The following KITLG variants were observed in gnomAD, a reference collection of about 807,000 sequenced individuals.
KITLG encodes the protein c-Kit ligand.
Under a neutral mutation model 34.1 loss-of-function variants are expected in KITLG, and 13 were observed. That is an observed-to-expected ratio of 0.38 (90% CI 0.25 to 0.61). The LOEUF is 0.61. KITLG is among the 20% of genes least tolerant of loss of function. The probability of loss-of-function intolerance (pLI) is 0.60; values close to 1 mark genes in which losing one functional copy is unlikely to be tolerated. For synonymous variants in KITLG, 110 were observed against 104.0 expected (o/e 1.06, Z -0.35); for missense variants, 292 against 318.9 (o/e 0.92, Z 0.64).
chr12:88,529,483 G>C (rs1592848341), intron 3 of KITLG, among the ~76,000 whole-genome samples: 1 of 152,262 alleles, frequency 6.6e-6, no homozygotes, highest in Non-Finnish European at 1.5e-5. Context: ...AATCTGCTAG[G>C]TAATTTTCTA....
intron 6 of KITLG, among the ~76,000 whole-genome samples, chr12:88,513,262 C>A (rs934961373): frequency 6.6e-6 from 1 of 150,970 alleles, no homozygotes; most frequent in Non-Finnish European, 1.5e-5. Flanking sequence ...TCCAAAATAA[C>A]CACAAAATAA....
intron 3 of KITLG, among the ~76,000 whole-genome samples, chr12:88,531,983 T>C (rs1472797466): frequency 6.6e-6 from 1 of 152,168 alleles, no homozygotes; most frequent in Non-Finnish European, 1.5e-5. Flanking sequence ...TCCAAATTCC[T>C]GGAACTAAAC....
chr12:88,552,175 AATT>A (rs1212028258), intron 1 of KITLG, among the ~76,000 whole-genome samples: 2 of 150,364 alleles, frequency 1.3e-5, no homozygotes, highest in African/African-American at 5.0e-5. Context: ...AAATTATGAT[AATT>A]TTTTTTTTTT....
chr12:88,525,576 T>C (rs925548284), intron 3 of KITLG, among the ~76,000 whole-genome samples: 13 of 127,598 alleles, frequency 1.0e-4, no homozygotes, highest in Non-Finnish European at 2.0e-4. Context: ...TCTGATGTTA[T>C]TATATGCACA....
chr12:88,513,021 C>G (rs533874416), intron 6 of KITLG, among the ~76,000 whole-genome samples: 2 of 151,818 alleles, frequency 1.3e-5, no homozygotes, highest in Middle Eastern at 6.8e-3. Context: ...TCTTCTCTTA[C>G]TTTAAAATAC....
At chr12:88,548,017 A>G (rs912574192) in intron 1 of KITLG, among the ~76,000 whole-genome samples, 1 of 152,216 alleles carries the variant, frequency 6.6e-6, no homozygotes, top group African/African-American at 2.4e-5. Context: ...AGAGCAAGGT[A>G]AAGGGGATTG....
intron 9 of KITLG, among the ~76,000 whole-genome samples, chr12:88,502,789 A>G (rs1197035275): frequency 6.6e-6 from 1 of 152,180 alleles, no homozygotes; most frequent in Non-Finnish European, 1.5e-5. Flanking sequence ...CCCAAACCAA[A>G]CAACAGAGGA....
intron 9 of KITLG, among the ~76,000 whole-genome samples, chr12:88,497,808 C>T (rs569533457): frequency 2.0e-5 from 3 of 152,204 alleles, no homozygotes; most frequent in South Asian, 2.1e-4. Flanking sequence ...GCCACTGAGC[C>T]GCTCTAGTAT....
chr12:88,578,868 T>C (rs1437939874), intron 1 of KITLG, among the ~76,000 whole-genome samples: 1 of 152,218 alleles, frequency 6.6e-6, no homozygotes, highest in African/African-American at 2.4e-5. Flanking sequence ...AATCAAGAGA[T>C]TACAATAAAA....
chr12:88,511,387 G>A (rs1338850776), intron 6 of KITLG, among the ~76,000 whole-genome samples: 2 of 152,142 alleles, frequency 1.3e-5, no homozygotes, highest in Non-Finnish European at 2.9e-5. Flanking sequence ...TGGTTTTCTG[G>A]CTTTCAGCTC....
intron 1 of KITLG, among the ~76,000 whole-genome samples, chr12:88,576,399 A>G (rs1469069132): frequency 2.0e-5 from 3 of 152,306 alleles, no homozygotes; most frequent in Admixed American, 1.3e-4. Flanking sequence ...ATTTACCTGC[A>G]ATAAGTCAGT....
chr12:88,544,279 C>G (rs551588860), intron 2 of KITLG, among the ~76,000 whole-genome samples: 2 of 152,236 alleles, frequency 1.3e-5, no homozygotes, highest in African/African-American at 4.8e-5. Context: ...ATCCTCAGAT[C>G]CCGCTGACAT....
chr12:88,503,319 A>C (rs1255982809), intron 9 of KITLG, among the ~76,000 whole-genome samples: 2 of 152,242 alleles, frequency 1.3e-5, no homozygotes, highest in Non-Finnish European at 2.9e-5. Flanking sequence ...AAGAAGATTA[A>C]GTCTAGAGAC....
At chr12:88,560,333 C>A (rs1008688567) in intron 1 of KITLG, among the ~76,000 whole-genome samples, 2 of 152,172 alleles carry the variant, frequency 1.3e-5, no homozygotes, top group African/African-American at 4.8e-5. Flanking sequence ...CTTAAATATT[C>A]TAAAAGCTTT....
intron 2 of KITLG, among the ~76,000 whole-genome samples, chr12:88,537,249 TA>T (rs1474931376): frequency 2.0e-5 from 3 of 151,776 alleles, no homozygotes; most frequent in Admixed American, 6.6e-5. Flanking sequence ...ATGGACTGAA[TA>T]AAGACAATGT....
intron 9 of KITLG, among the ~76,000 whole-genome samples, chr12:88,502,051 T>C (rs984940002): frequency 3.9e-5 from 6 of 152,300 alleles, no homozygotes; most frequent in Non-Finnish European, 8.8e-5. Flanking sequence ...ATTATTTTCA[T>C]TTGGGAAGTC....
chr12:88,497,631 A>G (rs1868692249), intron 9 of KITLG, among the ~76,000 whole-genome samples: 1 of 152,200 alleles, frequency 6.6e-6, no homozygotes, highest in Non-Finnish European at 1.5e-5. Flanking sequence ...TTTCTCTAGC[A>G]AGATTATAAA....
At chr12:88,558,557 T>C (rs1204589764) in intron 1 of KITLG, among the ~76,000 whole-genome samples, 3 of 152,178 alleles carry the variant, frequency 2.0e-5, no homozygotes, top group Non-Finnish European at 4.4e-5. Context: ...CCAACTGCCT[T>C]TTTAGTGGGA....
chr12:88,559,253 G>A lies in KITLG; in HGVS notation c.16-13388C>T, dbSNP rs79231092. On this transcript the variant is annotated intron_variant, in intron 1 of 9. Coordinates refer to ENST00000644744, the MANE Select transcript of KITLG (RefSeq NM_000899.5). ...TATCCAGGGTTGTAGATGGGACTTCGGTTCTGCCAATTAGGCGTGACTGCA... is the reference window on the plus strand; with the variant it reads ...TATCCAGGGTTGTAGATGGGACTTCAGTTCTGCCAATTAGGCGTGACTGCA... Among the ~76,000 whole-genome samples, 270 of 152,254 alleles carry A rather than the reference G, an allele frequency of 1.8e-3. 2 individuals carry two copies. The highest frequency in any genetic ancestry group is 6.2e-3 in the African/African-American group (256 of 41,532).
Sources: allele counts gnomAD v4.1 joint callset (sites outside exome capture counted in the v4.1 genomes callset), GRCh38; gene constraint gnomAD v4.1.1; transcripts MANE v1.5; gene names NCBI Gene and HGNC (gene_info 2026-07-23, HGNC 2026-07-21).